The following ADAMTS6 variants were observed in gnomAD, a reference collection of about 807,000 sequenced individuals.
The protein encoded by ADAMTS6 is ADAM metallopeptidase with thrombospondin type 1 motif 6.
ADAMTS6 carries 23 observed loss-of-function variants against 144.3 expected under a neutral mutation model. The ratio of observed to expected loss-of-function variants is 0.16; its 90% CI spans 0.11 to 0.23. The LOEUF is 0.23. ADAMTS6 is among the 10% of genes least tolerant of loss of function. The pLI, the probability that ADAMTS6 is intolerant of heterozygous loss-of-function variation, is 1.00. For synonymous variants in ADAMTS6, 444 were observed against 457.5 expected, an observed-to-expected ratio of 0.97 and a Z score of 0.38; for missense variants, 999 against 1,379.6, an observed-to-expected ratio of 0.72 and a Z score of 4.37.
At chr5:65,472,806 T>C (rs1229612030) in intron 2 of ADAMTS6, among the ~76,000 whole-genome samples, 2 of 152,220 alleles carry the variant, frequency 1.3e-5, no homozygotes, top group African/African-American at 2.4e-5. Context: ...CATGGCTTCA[T>C]TGATTTACTT....
chr5:65,379,052 A>G (rs1440686290), intron 7 of ADAMTS6, among the ~76,000 whole-genome samples: 1 of 152,212 alleles, frequency 6.6e-6, no homozygotes, highest in Non-Finnish European at 1.5e-5. Context: ...GTTCATTAGA[A>G]ATATCTGGAA....
intron 7 of ADAMTS6, among the ~76,000 whole-genome samples, chr5:65,404,725 C>T (rs1457555729): frequency 6.6e-6 from 1 of 152,164 alleles, no homozygotes; most frequent in Non-Finnish European, 1.5e-5. Context: ...CACCACACTG[C>T]CTTCCACAAT....
At chr5:65,399,713 AG>A (rs1344415007) in intron 7 of ADAMTS6, among the ~76,000 whole-genome samples, 1 of 115,936 alleles carries the variant, frequency 8.6e-6, no homozygotes, top group Non-Finnish European at 1.9e-5. Context: ...GAGCATATAT[AG>A]ATACAGATAC....
intron 18 of ADAMTS6, among the ~76,000 whole-genome samples, chr5:65,217,238 T>G (rs185730712): frequency 1.8e-3 from 278 of 152,342 alleles, no homozygotes; most frequent in African/African-American, 6.4e-3. Flanking sequence ...AACTCTCACT[T>G]GCAGTGGTTT....
intron 7 of ADAMTS6, among the ~76,000 whole-genome samples, chr5:65,337,653 C>T (rs1421577914): frequency 6.6e-6 from 1 of 152,072 alleles, no homozygotes; most frequent in Non-Finnish European, 1.5e-5. Flanking sequence ...ATTTAAATAT[C>T]ATTTTTAAAT....
intron 9 of ADAMTS6, among the ~76,000 whole-genome samples, chr5:65,303,853 G>C (rs1192748743): frequency 2.6e-5 from 4 of 151,938 alleles, no homozygotes; most frequent in Admixed American, 6.6e-5. Flanking sequence ...TTAAGAGAGG[G>C]ATATATCAAT....
chr5:65,271,310 T>G (rs1287417724), intron 12 of ADAMTS6, among the ~76,000 whole-genome samples: 2 of 141,434 alleles, frequency 1.4e-5, no homozygotes, highest in African/African-American at 5.3e-5. Context: ...ATCCAGGAGG[T>G]GAAGGTTGCA....
intron 10 of ADAMTS6, 124 bp from the exon 11 acceptor site, chr5:65,291,594 A>G: frequency 9.9e-7 from 1 of 1,005,394 alleles, no homozygotes. Flanking sequence ...CATTCTCCCA[A>G]TAAATAATCA....
intron 14 of ADAMTS6, among the ~76,000 whole-genome samples, chr5:65,258,017 T>C (rs989757525): frequency 6.6e-6 from 1 of 152,190 alleles, no homozygotes; most frequent in African/African-American, 2.4e-5. Flanking sequence ...CTGGTAACTC[T>C]AAAAGATCAT....
chr5:65,260,688 G>A, intron 13 of ADAMTS6, 25 bp from the exon 14 acceptor site: 2 of 1,579,162 alleles, frequency 1.3e-6, no homozygotes, highest in Middle Eastern at 1.7e-4. Flanking sequence ...TGTTTAAAAT[G>A]TGAATACTAA....
intron 7 of ADAMTS6, among the ~76,000 whole-genome samples, chr5:65,426,577 CA>C (rs939909211): frequency 6.6e-6 from 1 of 151,618 alleles, no homozygotes; most frequent in Non-Finnish European, 1.5e-5. Flanking sequence ...ACAACACTTT[CA>C]AAAAAATGTA....
intron 20 of ADAMTS6, among the ~76,000 whole-genome samples, chr5:65,205,912 T>C (rs1008531445): frequency 3.3e-5 from 5 of 152,206 alleles, no homozygotes; most frequent in African/African-American, 1.2e-4. Context: ...AATATAGATA[T>C]GAGAAATTTA....
intron 7 of ADAMTS6, among the ~76,000 whole-genome samples, chr5:65,417,432 G>A (rs970639917): frequency 3.9e-5 from 6 of 152,030 alleles, no homozygotes; most frequent in African/African-American, 1.2e-4. Context: ...AAAGAAGAAG[G>A]CAAACTATCT....
chr5:65,376,423 C>T (rs532339202), intron 7 of ADAMTS6, among the ~76,000 whole-genome samples: 130 of 151,160 alleles, frequency 8.6e-4, no homozygotes, highest in Non-Finnish European at 1.0e-3. Flanking sequence ...TGCAGTCCAG[C>T]CTGGGAGACA....
chr5:65,455,628 G>A (rs1417902710), intron 4 of ADAMTS6, among the ~76,000 whole-genome samples: 1 of 151,102 alleles, frequency 6.6e-6, no homozygotes, highest in Non-Finnish European at 1.5e-5. Context: ...CTAAATTAAT[G>A]TTTCTACTAA....
intron 7 of ADAMTS6, among the ~76,000 whole-genome samples, chr5:65,414,181 C>A (rs1326681730): frequency 1.3e-5 from 2 of 152,146 alleles, no homozygotes; most frequent in East Asian, 1.9e-4. Context: ...TTAGCTCATA[C>A]CCCTTTGTCT....
chr5:65,167,516 C>T (rs1183527797), intron 24 of ADAMTS6, among the ~76,000 whole-genome samples: 3 of 150,458 alleles, frequency 2.0e-5, no homozygotes, highest in East Asian at 3.9e-4. Context: ...AGAGGGAATC[C>T]TCCCTAACTC....
At chr5:65,357,715 T>C (rs1749456111) in intron 7 of ADAMTS6, among the ~76,000 whole-genome samples, 1 of 151,774 alleles carries the variant, frequency 6.6e-6, no homozygotes, top group African/African-American at 2.4e-5. Context: ...AAAAATTATA[T>C]GGCAGCAAAT....
intron 9 of ADAMTS6, among the ~76,000 whole-genome samples, chr5:65,302,178 A>G (rs1743477374): frequency 6.9e-6 from 1 of 144,738 alleles, no homozygotes; most frequent in Admixed American, 7.0e-5. Flanking sequence ...ATGATATTAT[A>G]CATATATTAT....
Sources: allele counts gnomAD v4.1 joint callset (sites outside exome capture counted in the v4.1 genomes callset), GRCh38; gene constraint gnomAD v4.1.1; transcripts MANE v1.5; gene names NCBI Gene and HGNC (gene_info 2026-07-23, HGNC 2026-07-21).